The following PDE4D variants were observed in gnomAD, a reference collection of about 807,000 sequenced individuals.
PDE4D encodes the protein phosphodiesterase 4D.
Under a neutral mutation model 87.4 loss-of-function variants are expected in PDE4D, and 24 were observed. The observed-to-expected ratio is 0.27, with a 90% CI of 0.20 to 0.39. The LOEUF (loss-of-function observed/expected upper bound fraction) is 0.39, where lower values mean the gene tolerates loss of function less well. PDE4D is among the 10% of genes least tolerant of loss of function. The pLI, the probability that PDE4D is intolerant of heterozygous loss-of-function variation, is 1.00. For synonymous variants in PDE4D, 384 were observed against 383.2 expected (o/e 1.00, Z -0.02); for missense variants, 714 against 1,041.0 (o/e 0.69, Z 4.32).
chr5:59,744,541 T>C (rs1011446144), intron 1 of PDE4D, among the ~76,000 whole-genome samples: 3 of 152,094 alleles, frequency 2.0e-5, no homozygotes, highest in Non-Finnish European at 2.9e-5. Context: ...AGCACAAATA[T>C]AGAACTCATC....
chr5:59,390,508 A>G (rs1788021842), intron 1 of PDE4D, among the ~76,000 whole-genome samples: 1 of 152,144 alleles, frequency 6.6e-6, no homozygotes, highest in South Asian at 2.1e-4. Context: ...TGCACAGTGG[A>G]TTTATAAACA....
chr5:60,185,359 T>G (rs1334664865), intron 2 of PDE4D, among the ~76,000 whole-genome samples: 1 of 152,114 alleles, frequency 6.6e-6, no homozygotes, highest in Non-Finnish European at 1.5e-5. Context: ...CTGAAAGAAT[T>G]CTCATCAAAT....
intron 6 of PDE4D, among the ~76,000 whole-genome samples, chr5:59,025,014 C>G (rs1755939617): frequency 6.7e-6 from 1 of 149,706 alleles, no homozygotes; most frequent in Non-Finnish European, 1.5e-5. Context: ...ACAGCTCTGG[C>G]CAAAGTGGTC....
chr5:59,200,357 A>G (rs1221196428), intron 2 of PDE4D, among the ~76,000 whole-genome samples: 1 of 95,024 alleles, frequency 1.1e-5, no homozygotes, highest in South Asian at 3.9e-4. Context: ...GTATACATAC[A>G]CGTGTATGTA....
intron 1 of PDE4D, among the ~76,000 whole-genome samples, chr5:59,427,729 T>G (rs1288096631): frequency 1.3e-5 from 2 of 150,102 alleles, no homozygotes; most frequent in East Asian, 3.9e-4. Context: ...TAAGCTGAAG[T>G]GGATCATTTG....
At chr5:59,873,820 T>C (rs549147010) in intron 1 of PDE4D, among the ~76,000 whole-genome samples, 97 of 152,322 alleles carry the variant, frequency 6.4e-4, no homozygotes, top group African/African-American at 2.3e-3. Flanking sequence ...TTCTAACCAA[T>C]ATTCTTAAAA....
chr5:59,345,081 A>G (rs986424538), intron 1 of PDE4D, among the ~76,000 whole-genome samples: 9 of 152,188 alleles, frequency 5.9e-5, no homozygotes, highest in Non-Finnish European at 1.2e-4. Context: ...TTAAAAAGAC[A>G]TAATGACTAT....
chr5:59,943,908 T>C (rs1757449264), intron 3 of PDE4D, among the ~76,000 whole-genome samples: 1 of 152,202 alleles, frequency 6.6e-6, no homozygotes, highest in Non-Finnish European at 1.5e-5. Flanking sequence ...CCCCAGGGAC[T>C]ATTATGGCAG....
At chr5:59,933,109 C>A (rs1272884763) in intron 3 of PDE4D, among the ~76,000 whole-genome samples, 1 of 152,174 alleles carries the variant, frequency 6.6e-6, no homozygotes, top group African/African-American at 2.4e-5. Flanking sequence ...CCTTGTACTG[C>A]ACACTTAATG....
At chr5:59,439,128 G>A (rs7710901) in intron 1 of PDE4D, among the ~76,000 whole-genome samples, 12,289 of 152,120 alleles carry the variant, frequency 0.081, 1,629 homozygotes, top group African/African-American at 0.28. Context: ...GGAAGCCGAC[G>A]TGGGTGGATT....
chr5:59,610,713 C>T (rs960835775), intron 1 of PDE4D, among the ~76,000 whole-genome samples: 2 of 152,014 alleles, frequency 1.3e-5, no homozygotes, highest in Non-Finnish European at 2.9e-5. Flanking sequence ...TGCCTCAAAC[C>T]CATTGAAATA....
chr5:59,158,410 G>C (rs952984025), intron 5 of PDE4D, among the ~76,000 whole-genome samples: 1 of 152,086 alleles, frequency 6.6e-6, no homozygotes, highest in Non-Finnish European at 1.5e-5. Context: ...TTGTTGCTCT[G>C]GGCAACCATC....
At chr5:59,819,482 C>G (rs1469539553) in intron 1 of PDE4D, among the ~76,000 whole-genome samples, 1 of 152,212 alleles carries the variant, frequency 6.6e-6, no homozygotes, top group Non-Finnish European at 1.5e-5. Context: ...CATTGCCCAT[C>G]AAACAGACCT....
At chr5:60,318,987 A>G (rs1222733792) in intron 1 of PDE4D, among the ~76,000 whole-genome samples, 2 of 152,144 alleles carry the variant, frequency 1.3e-5, no homozygotes, top group African/African-American at 4.8e-5. Context: ...CTTGAGGAGT[A>G]TCTTTGTAGC....
chr5:60,348,613 G>T (rs77711880), intron 1 of PDE4D, among the ~76,000 whole-genome samples: 2,453 of 152,182 alleles, frequency 0.016, 68 homozygotes, highest in East Asian at 0.13. Flanking sequence ...GAAATAATGT[G>T]AAGTCCAACT....
At chr5:59,212,903 C>T in intron 2 of PDE4D, among the ~76,000 whole-genome samples, 1 of 151,744 alleles carries the variant, frequency 6.6e-6, no homozygotes, top group East Asian at 2.0e-4. Context: ...CTTTTTTGAT[C>T]TGCATAGTGG....
chr5:60,124,904 C>T (rs1368589804), intron 2 of PDE4D, among the ~76,000 whole-genome samples: 1 of 152,146 alleles, frequency 6.6e-6, no homozygotes, highest in Non-Finnish European at 1.5e-5. Flanking sequence ...AAGTAATCAG[C>T]AGCATTCACA....
intron 1 of PDE4D, among the ~76,000 whole-genome samples, chr5:59,468,859 G>C (rs1801982542): frequency 6.6e-6 from 1 of 152,092 alleles, no homozygotes; most frequent in Non-Finnish European, 1.5e-5. Context: ...TTAGAGCTTA[G>C]AGCATCATGA....
intron 1 of PDE4D, chr5:59,430,312 A>C (rs1795921040): frequency 8.1e-7 from 1 of 1,231,254 alleles, no homozygotes; most frequent in Non-Finnish European, 1.0e-6. Context: ...CTGTGGCTTA[A>C]TATCAATTGG....
Sources: allele counts gnomAD v4.1 joint callset (sites outside exome capture counted in the v4.1 genomes callset), GRCh38; gene constraint gnomAD v4.1.1; transcripts MANE v1.5; gene names NCBI Gene and HGNC (gene_info 2026-07-23, HGNC 2026-07-21).